The following EPHA6 variants were observed in gnomAD, a reference collection of about 807,000 sequenced individuals.
EPHA6 encodes ephrin type-A receptor 6.
EPHA6 carries 50 observed loss-of-function variants against 112.0 expected under a neutral mutation model. That is an observed-to-expected ratio of 0.45 (90% CI 0.36 to 0.56). The LOEUF is 0.56. Among genes scored for constraint, EPHA6 ranks in the 20% least tolerant of loss-of-function variants. EPHA6 has a pLI of 0.00. For synonymous variants in EPHA6, 529 were observed against 490.7 expected, an observed-to-expected ratio of 1.08 and a Z score of -1.03; for missense variants, 1,280 against 1,417.4, an observed-to-expected ratio of 0.90 and a Z score of 1.56.
chr3:97,660,827 T>C (rs2107632377), intron 14 of EPHA6, among the ~76,000 whole-genome samples: 1 of 152,254 alleles, frequency 6.6e-6, no homozygotes, highest in African/African-American at 2.4e-5. Flanking sequence ...ACCATAGGCC[T>C]ACTCAACATA....
At chr3:97,072,453 A>AGGCAC (rs2046390207) in intron 3 of EPHA6, among the ~76,000 whole-genome samples, 2 of 152,174 alleles carry the variant, frequency 1.3e-5, no homozygotes, top group South Asian at 4.2e-4. Flanking sequence ...ACTAGGAGGG[A>AGGCAC]GGCACGGAAC....
chr3:97,383,585 T>G (rs9877141), intron 5 of EPHA6, among the ~76,000 whole-genome samples: 10,113 of 152,070 alleles, frequency 0.067, 1,086 homozygotes, highest in African/African-American at 0.22. Context: ...GAAAGTATAT[T>G]AGTTTGAATA....
At chr3:97,430,413 A>G (rs2089434715) in intron 6 of EPHA6, among the ~76,000 whole-genome samples, 1 of 152,100 alleles carries the variant, frequency 6.6e-6, no homozygotes, top group African/African-American at 2.4e-5. Context: ...AGCAACTAAA[A>G]TTTCAAAAAA....
At chr3:96,853,176 A>C (rs1037341297) in intron 1 of EPHA6, among the ~76,000 whole-genome samples, 1 of 152,122 alleles carries the variant, frequency 6.6e-6, no homozygotes, top group African/African-American at 2.4e-5. Flanking sequence ...GCTTGAGAGC[A>C]ATAATAGGTG....
At chr3:97,435,991 C>G (rs370543842) in intron 6 of EPHA6, among the ~76,000 whole-genome samples, 1 of 152,142 alleles carries the variant, frequency 6.6e-6, no homozygotes, top group Non-Finnish European at 1.5e-5. Flanking sequence ...CTTCAGGAAG[C>G]TGTCAATTAT....
intron 5 of EPHA6, among the ~76,000 whole-genome samples, chr3:97,328,744 C>T (rs538983699): frequency 2.0e-5 from 3 of 152,080 alleles, no homozygotes; most frequent in African/African-American, 7.2e-5. Context: ...GGATGGTACT[C>T]TGGTATCAAG....
chr3:97,028,006 T>G (rs1349090116), intron 3 of EPHA6, among the ~76,000 whole-genome samples: 1 of 152,178 alleles, frequency 6.6e-6, no homozygotes, highest in Non-Finnish European at 1.5e-5. Flanking sequence ...GAATTTTCTT[T>G]TATTACTCTC....
chr3:97,126,043 C>G (rs187723716), intron 3 of EPHA6, among the ~76,000 whole-genome samples: 152 of 152,250 alleles, frequency 1.0e-3, no homozygotes, highest in African/African-American at 3.4e-3. Flanking sequence ...GGCGAGTATT[C>G]AAGTCTGTGA....
intron 6 of EPHA6, among the ~76,000 whole-genome samples, chr3:97,413,334 G>T (rs2087868967): frequency 6.6e-6 from 1 of 151,810 alleles, no homozygotes; most frequent in Non-Finnish European, 1.5e-5. Flanking sequence ...GAGCATCTGT[G>T]ACCTGAGTTT....
intron 1 of EPHA6, among the ~76,000 whole-genome samples, chr3:96,835,214 T>C (rs2034334075): frequency 6.6e-6 from 1 of 152,046 alleles, no homozygotes; most frequent in Non-Finnish European, 1.5e-5. Context: ...CAAATATGAG[T>C]AAATTTAGTC....
chr3:97,366,006 C>T (rs2108958231), intron 5 of EPHA6, among the ~76,000 whole-genome samples: 1 of 152,242 alleles, frequency 6.6e-6, no homozygotes, highest in African/African-American at 2.4e-5. Flanking sequence ...ATTCATATTG[C>T]ACCATCAAAA....
intron 12 of EPHA6, among the ~76,000 whole-genome samples, chr3:97,597,633 C>T (rs2093605845): frequency 1.3e-5 from 2 of 152,176 alleles, no homozygotes; most frequent in Non-Finnish European, 2.9e-5. Context: ...ACATACAGTC[C>T]TCAGCCAACA....
chr3:97,569,082 T>G (rs977701231), intron 11 of EPHA6, among the ~76,000 whole-genome samples: 1 of 152,156 alleles, frequency 6.6e-6, no homozygotes, highest in South Asian at 2.1e-4. Flanking sequence ...AGAATAGATA[T>G]GAAGGCCCCA....
intron 2 of EPHA6, among the ~76,000 whole-genome samples, chr3:96,889,889 G>T (rs2037853333): frequency 6.6e-6 from 1 of 152,072 alleles, no homozygotes; most frequent in South Asian, 2.1e-4. Context: ...TTTATTAAGT[G>T]ACCTGATTTA....
In EPHA6 at chr3:96,992,088, A is replaced by T. The variant is rs1262698507; in HGVS notation, c.1114+4095A>T. On this transcript the variant is annotated intron_variant, in intron 3 of 17. Transcript: ENST00000389672. ...CACTCTGTTTATAAGAATTGCAACT[A>T]GCAACATGCTAGTTGCTAGTTTCAA... 2.0e-5 allele frequency among the ~76,000 whole-genome samples: 3 copies of T among 152,156 alleles called. No individual in the cohort carries two copies. The South Asian group carries it at 6.2e-4, about 32-fold the overall frequency.
In EPHA6 at chr3:96,942,031, G is replaced by A. The variant is rs189254917; in HGVS notation, c.451-45299G>A. On this transcript the variant is annotated intron_variant, in intron 2 of 17. Coordinates refer to ENST00000389672, the MANE Select transcript of EPHA6 (RefSeq NM_001080448.3). ...AGGTGTCAGTCTGCCCCTACTGGGG[G>A]GTGCCTCCCAGTCAGGCTGCTCGGG... Among the ~76,000 whole-genome samples the A allele has an allele frequency of 3.3e-3, 510 of 152,316 alleles. 4 individuals are homozygous for A. Among genetic ancestry groups the A allele is most frequent in the African/African-American group, 0.012 (484 of 41,566 alleles).
intron 2 of EPHA6, among the ~76,000 whole-genome samples, chr3:96,925,068 A>G (rs1003370419): frequency 2.0e-5 from 3 of 152,134 alleles, no homozygotes; most frequent in Admixed American, 2.0e-4. Context: ...TTTTGCATCA[A>G]TGTTCATCAA....
intron 11 of EPHA6, among the ~76,000 whole-genome samples, chr3:97,559,834 G>A (rs950971429): frequency 1.3e-5 from 2 of 151,772 alleles, no homozygotes; most frequent in Non-Finnish European, 2.9e-5. Flanking sequence ...CTCTAGAGAT[G>A]GTGAAGAGAC....
chr3:97,223,861 G>A lies in EPHA6; in HGVS notation c.1115-2403G>A, dbSNP rs149585992. Among the ~76,000 whole-genome samples the A allele has an allele frequency of 1.7e-4, 26 of 152,208 alleles. 1 individual carries two copies. In the East Asian group the frequency reaches 5.0e-3, roughly 29 times the overall value. ...TTAAACTTTAACATTAATATGGTCGGAAATTATAAAAAATTTTTGAATAGA... is the reference window on the plus strand; with the variant it reads ...TTAAACTTTAACATTAATATGGTCGAAAATTATAAAAAATTTTTGAATAGA... On this transcript the variant is annotated intron_variant, in intron 3 of 17. Transcript: ENST00000389672.
Sources: allele counts gnomAD v4.1 joint callset (sites outside exome capture counted in the v4.1 genomes callset), GRCh38; gene constraint gnomAD v4.1.1; transcripts MANE v1.5; gene names NCBI Gene and HGNC (gene_info 2026-07-23, HGNC 2026-07-21).